ARFGEF2: variants seen among roughly 807,000 people sequenced by gnomAD.
ARFGEF2 encodes brefeldin A-inhibited guanine nucleotide-exchange protein 2.
Under a neutral mutation model 219.9 loss-of-function variants are expected in ARFGEF2, and 74 were observed. The ratio of observed to expected loss-of-function variants is 0.34; its 90% CI spans 0.28 to 0.41. The LOEUF is 0.41. ARFGEF2 is among the 10% of genes least tolerant of loss of function. The pLI is 1.00. For missense variants in ARFGEF2, 1,743 were observed against 2,218.3 expected (o/e 0.79, Z 4.30); for synonymous variants, 733 against 799.2 (o/e 0.92, Z 1.40).
chr20:49,013,459 T>C, intron 28 of ARFGEF2, 105 bp from the exon 29 acceptor site: 1 of 1,460,786 alleles, frequency 6.8e-7, no homozygotes, highest in Non-Finnish European at 9.5e-7. Flanking sequence ...AATGGAGATT[T>C]TTGGGAGAGA....
At chr20:48,983,825 G>A (rs2091310634) in intron 14 of ARFGEF2, among the ~76,000 whole-genome samples, 1 of 152,186 alleles carries the variant, frequency 6.6e-6, no homozygotes, top group Non-Finnish European at 1.5e-5. Context: ...ACGCTTGCCA[G>A]TTTGTGCTTA....
At chr20:49,012,425 A>G (rs1286136261) in intron 28 of ARFGEF2, among the ~76,000 whole-genome samples, 1 of 152,200 alleles carries the variant, frequency 6.6e-6, no homozygotes, top group African/African-American at 2.4e-5. Flanking sequence ...AAATGGCATT[A>G]TGTCTTTGTA....
intron 26 of ARFGEF2, 107 bp downstream of exon 26, chr20:49,005,328 G>A (rs1600537376): frequency 1.4e-5 from 19 of 1,317,056 alleles, no homozygotes; most frequent in Non-Finnish European, 1.9e-5. Flanking sequence ...CTTGTCAGTG[G>A]AAACAAATAG....
Position 48,973,344 on chromosome 20 carries a change from T to G in ARFGEF2, c.1665+60T>G, listed in dbSNP as rs2091240126. On this transcript the variant is annotated intron_variant, in intron 12 of 38. Coordinates refer to ENST00000371917, the MANE Select transcript of ARFGEF2 (RefSeq NM_006420.3). The stretch of plus-strand genomic sequence containing the variant: ...TTTATTCATTCCAATAAACATTTAT[T>G]GAGTGCCACCACATGCCAGGCACTG... The G allele has an allele frequency of 1.5e-5, 23 of 1,574,484 alleles. No individual in the cohort carries two copies. The Admixed American group carries it at 3.9e-4, about 27-fold the overall frequency.
intron 14 of ARFGEF2, among the ~76,000 whole-genome samples, chr20:48,982,126 A>G (rs1403065713): frequency 4.6e-5 from 7 of 152,072 alleles, no homozygotes; most frequent in Non-Finnish European, 1.0e-4. Context: ...GGTTTTATCT[A>G]TCTTTGGTCT....
intron 20 of ARFGEF2, 106 bp from the exon 21 acceptor site, chr20:48,990,934 T>C: frequency 8.0e-7 from 1 of 1,244,210 alleles, no homozygotes; most frequent in South Asian, 1.3e-5. Flanking sequence ...CCAGTCAATG[T>C]GCATACAAAA....
At chr20:48,933,099 G>C (rs1195715903) in intron 1 of ARFGEF2, among the ~76,000 whole-genome samples, 1 of 152,206 alleles carries the variant, frequency 6.6e-6, no homozygotes, top group Non-Finnish European at 1.5e-5. Flanking sequence ...GTAACATCCA[G>C]AAAGGATTTC....
chr20:49,025,848 G>C (rs1370265779), intron 36 of ARFGEF2, among the ~76,000 whole-genome samples: 2 of 151,974 alleles, frequency 1.3e-5, no homozygotes, highest in Non-Finnish European at 2.9e-5. Flanking sequence ...CAGGTGTGGT[G>C]GTGCAAACCC....
At chr20:48,947,947 T>G (rs187137139) in intron 3 of ARFGEF2, among the ~76,000 whole-genome samples, 63 of 152,298 alleles carry the variant, frequency 4.1e-4, no homozygotes, top group African/African-American at 1.5e-3. Flanking sequence ...TAAATAAAAT[T>G]CTAACATTTT....
At chr20:48,943,915 T>C (rs2091009103) in intron 3 of ARFGEF2, among the ~76,000 whole-genome samples, 1 of 152,058 alleles carries the variant, frequency 6.6e-6, no homozygotes, top group Admixed American at 6.5e-5. Flanking sequence ...TGTACAGCTT[T>C]CTCGAGAAAG....
At chr20:48,985,991 T>C (rs1288135739) in intron 16 of ARFGEF2, among the ~76,000 whole-genome samples, 1 of 152,198 alleles carries the variant, frequency 6.6e-6, no homozygotes, top group Non-Finnish European at 1.5e-5. Context: ...GATTTTGGTT[T>C]TTCTTTAATT....
intron 8 of ARFGEF2, among the ~76,000 whole-genome samples, chr20:48,966,421 A>T (rs2295028): frequency 0.61 from 92,514 of 152,046 alleles, 28,255 homozygotes; most frequent in East Asian, 0.66. Flanking sequence ...ATCTTACTTA[A>T]ATCCATCTAG....
intron 5 of ARFGEF2, 131 bp from the exon 6 acceptor site, chr20:48,953,425 C>T (rs1401276670): frequency 1.2e-6 from 1 of 841,082 alleles, no homozygotes; most frequent in Non-Finnish European, 2.0e-6. Flanking sequence ...TTCCTGCTGC[C>T]TCAGCCTTCC....
intron 28 of ARFGEF2, among the ~76,000 whole-genome samples, chr20:49,012,588 G>A (rs947376055): frequency 2.0e-5 from 3 of 152,118 alleles, no homozygotes; most frequent in Non-Finnish European, 4.4e-5. Flanking sequence ...CTGAAATAGG[G>A]TGAAAACAAG....
intron 11 of ARFGEF2, 144 bp from the exon 12 acceptor site, chr20:48,973,001 C>T (rs2091237810): frequency 1.1e-6 from 1 of 885,012 alleles, no homozygotes. Context: ...CTTCCTAGTA[C>T]TTCCAACATG....
chr20:48,982,858 A>G (rs2091304980), intron 14 of ARFGEF2, among the ~76,000 whole-genome samples: 1 of 152,212 alleles, frequency 6.6e-6, no homozygotes, highest in African/African-American at 2.4e-5. Context: ...GGAGAAGTGC[A>G]GTATTTGGGC....
chr20:48,971,999 C>G (rs2091231574), intron 10 of ARFGEF2, among the ~76,000 whole-genome samples: 1 of 152,266 alleles, frequency 6.6e-6, no homozygotes, highest in African/African-American at 2.4e-5. Flanking sequence ...TCTGTTTGGT[C>G]TGTAAATTGT....
chr20:48,925,495 A>C (rs1420322374), intron 1 of ARFGEF2, among the ~76,000 whole-genome samples: 1 of 152,100 alleles, frequency 6.6e-6, no homozygotes, highest in Non-Finnish European at 1.5e-5. Flanking sequence ...AAACTATATG[A>C]AGTTTGGAGG....
intron 25 of ARFGEF2, among the ~76,000 whole-genome samples, chr20:49,002,542 A>G (rs1357052908): frequency 6.6e-6 from 1 of 152,174 alleles, no homozygotes; most frequent in Non-Finnish European, 1.5e-5. Flanking sequence ...CAGCATAGTA[A>G]TGTCTTCAAG....
Sources: gnomAD v4.1 joint callset for allele counts (sites outside exome capture counted in the v4.1 genomes callset) on GRCh38, gnomAD v4.1.1 for gene constraint, MANE v1.5 for transcripts, NCBI Gene and HGNC (gene_info 2026-07-23, HGNC 2026-07-21) for gene names.